OR10G7: variants seen among roughly 807,000 people sequenced by gnomAD.
OR10G7 encodes the protein olfactory receptor 10G7.
For missense variants in OR10G7, 338 were observed against 382.1 expected, an observed-to-expected ratio of 0.88 and a Z score of 0.96; for synonymous variants, 165 against 167.4, an observed-to-expected ratio of 0.99 and a Z score of 0.11.
chr11:124,039,977 G>A (rs1014514067), intron 1 of OR10G7, among the ~76,000 whole-genome samples: 2 of 151,996 alleles, frequency 1.3e-5, no homozygotes, highest in Non-Finnish European at 2.9e-5. Context: ...CACAAACACT[G>A]GGGACCCCTG....
Position 124,038,166 on chromosome 11 carries a change from G to A in OR10G7, c.836C>T (p.Thr279Ile). Residue 279 changes from threonine (T) to isoleucine (I), a missense_variant, in exon 2 of 2, where the codon ACT (threonine) becomes ATT (isoleucine). Transcript: ENST00000641585. ...GVVAVFYTTL[T>I]PLFNPVVYTL... Reference sequence around the variant, plus strand: ...GTACACAACAGGGTTGAAAAGAGGAGTCAGCGTGGTGTAGAAAACGGCCAC... The same window carrying A: ...GTACACAACAGGGTTGAAAAGAGGAATCAGCGTGGTGTAGAAAACGGCCAC... The A allele has an allele frequency of 1.9e-6, 3 of 1,614,118 alleles. No homozygotes were observed. Among genetic ancestry groups the A allele is most frequent in the South Asian group, 1.1e-5 (1 of 91,090 alleles).
At position 124,038,792 on chromosome 11, in the gene OR10G7, C is replaced by A; in HGVS notation, c.210G>T (p.Trp70Cys). 2 of 1,613,956 alleles carry A rather than the reference C, an allele frequency of 1.2e-6. No homozygotes were observed. The highest frequency in any genetic ancestry group is 1.7e-6 in the Non-Finnish European group (2 of 1,180,006). ...FLTNLSFIDM[W>C]FSTVTVPKML... is the part of the protein sequence containing the mutation. ...TTTTGGGCACCGTGACAGTGGAGAACCACATGTCAATGAAGGACAGGTTGG... is the reference window on the plus strand; with the variant it reads ...TTTTGGGCACCGTGACAGTGGAGAAACACATGTCAATGAAGGACAGGTTGG... Residue 70 changes from tryptophan (W) to cysteine (C), a missense_variant, in exon 2 of 2, where the codon TGG (tryptophan) becomes TGT (cysteine). Coordinates refer to ENST00000641585, the MANE Select transcript of OR10G7 (RefSeq NM_001004463.2).
In OR10G7 at chr11:124,036,709, T is replaced by A. The variant is rs1864195178; in HGVS notation, c.*1357A>T. The A allele has an allele frequency of 6.6e-6, 1 of 152,250 alleles. No homozygotes were observed. The highest frequency in any genetic ancestry group is 1.5e-5 in the Non-Finnish European group (1 of 68,042). 9.4% of individuals were successfully genotyped at this position (152,250 alleles called of 1,614,324 possible). On this transcript the variant is annotated 3_prime_UTR_variant, in exon 2 of 2. Coordinates refer to ENST00000641585, the MANE Select transcript of OR10G7 (RefSeq NM_001004463.2). ...TATAATTGGTCCATAGCAATCTGGT[T>A]TCTTGGTGTGAAAACCAAAAATTTA...
chr11:124,040,281 T>C (rs1045145179), intron 1 of OR10G7, among the ~76,000 whole-genome samples: 2 of 152,034 alleles, frequency 1.3e-5, no homozygotes, highest in African/African-American at 4.8e-5. Flanking sequence ...AAAATAATAA[T>C]ATAGTTATTA....
At position 124,036,482 on chromosome 11, in the gene OR10G7, C is replaced by T. The variant is rs1189371803; in HGVS notation, c.*1584G>A. On this transcript the variant is annotated 3_prime_UTR_variant, in exon 2 of 2. Transcript: ENST00000641585. ...ACAATGACTTTGGTGAATGCAGAGA[C>T]CTTGTCTATTGTTTTTGCGTATCTA... 6.6e-6 allele frequency: 1 copy of T among 152,158 alleles called. No individual in the cohort carries two copies. The allele number at this position is 152,158 out of a possible 1,614,324, so 9.4% of individuals were successfully genotyped here. A position where few individuals can be genotyped will look rare whatever the true frequency, so the allele number is the denominator to read the frequency against.
chr11:124,038,559 C>T lies in OR10G7; in HGVS notation c.443G>A (p.Trp148Ter). ...RSCALLATGT[W>*]LSGSLHSAVQ... ...AGCAGAGTGCAGAGAGCCACTGAGC[C>T]AAGTGCCGGTGGCCAGGAGGGCACA... Residue 148 changes from tryptophan to a stop codon, truncating the protein, a stop_gained, in exon 2 of 2, where the codon TGG becomes TAG. Transcript: ENST00000641585. LOFTEE classifies it low-confidence loss of function (END_TRUNC). The T allele has an allele frequency of 6.2e-7, 1 of 1,613,818 alleles. No homozygotes were observed. The highest frequency in any genetic ancestry group is 8.5e-7 in the Non-Finnish European group (1 of 1,179,880).
rs147011748 is a variant in OR10G7, at chr11:124,038,420, G to C, written c.582C>G (p.Asn194Lys). ...CAATATTCACAAAGATGACCATCTC[G>C]TTGGCTGAGGTGTCTGCACAGGCCA... is the stretch of plus-strand genomic sequence containing the variant. ...LKLACADTSA[N>K]EMVIFVNIGL... Residue 194 changes from asparagine to lysine, a missense_variant, in exon 2 of 2, where the codon AAC (asparagine) becomes AAG (lysine). Physicochemically the swap from Asn to Lys is moderately conservative, Grantham distance 94. Transcript: ENST00000641585. 1 of 1,613,952 alleles carries C rather than the reference G, an allele frequency of 6.2e-7. No homozygotes were observed. Among genetic ancestry groups the C allele is most frequent in the Non-Finnish European group, 8.5e-7 (1 of 1,179,906 alleles).
rs1021740575 is a variant in OR10G7 at position 124,036,832 on chromosome 11, A to G, written c.*1234T>C. 2 of 152,216 alleles carry G rather than the reference A, an allele frequency of 1.3e-5. No individual in the cohort carries two copies. The highest frequency in any genetic ancestry group is 2.4e-5 in the African/African-American group (1 of 41,460). The allele number at this position is 152,216 out of a possible 1,614,324, so 9.4% of individuals were successfully genotyped here. A position where few individuals can be genotyped will look rare whatever the true frequency, so the allele number is the denominator to read the frequency against. On this transcript the variant is annotated 3_prime_UTR_variant, in exon 2 of 2. Coordinates refer to ENST00000641585, the MANE Select transcript of OR10G7 (RefSeq NM_001004463.2). ...ACCAAGTTAGTATGTTTTTCTTCTC[A>G]ATATCACCGCACAGTTTACTTGGAG...
In OR10G7 at chr11:124,037,577, C is replaced by A. The variant is rs1025778488; in HGVS notation, c.*489G>T. On this transcript the variant is annotated 3_prime_UTR_variant, in exon 2 of 2. Transcript: ENST00000641585. ...TATTGGCCCATGAATGTGAATAAAG[C>A]CATTCTTCTTGAGAACCAAGCCTTT... 2.0e-5 allele frequency: 3 copies of A among 151,896 alleles called. No individual in the cohort carries two copies. Among genetic ancestry groups the A allele is most frequent in the African/African-American group, 7.3e-5 (3 of 41,282 alleles). 9.4% of individuals were successfully genotyped at this position (151,896 alleles called of 1,614,324 possible). A position where few individuals can be genotyped will look rare whatever the true frequency, so the allele number is the denominator to read the frequency against.
rs942778947 is a variant in OR10G7, at chr11:124,037,386, A to G, written c.*680T>C. On this transcript the variant is annotated 3_prime_UTR_variant, in exon 2 of 2. Coordinates refer to ENST00000641585, the MANE Select transcript of OR10G7 (RefSeq NM_001004463.2). Reference sequence around the variant, plus strand: ...TGAAAATGGAAACTTGCCATTGAGGATAAGAGATTGGCAGCTCCACAAATA... The same window carrying G: ...TGAAAATGGAAACTTGCCATTGAGGGTAAGAGATTGGCAGCTCCACAAATA... The G allele has an allele frequency of 2.0e-5, 3 of 151,414 alleles. No homozygotes were observed. The highest frequency in any genetic ancestry group is 1.3e-4 in the Admixed American group (2 of 15,256). The allele number at this position is 151,414 out of a possible 1,614,324, so 9.4% of individuals were successfully genotyped here.
chr11:124,040,374 A>G (rs1479027697), intron 1 of OR10G7, among the ~76,000 whole-genome samples: 1 of 151,976 alleles, frequency 6.6e-6, no homozygotes, highest in African/African-American at 2.4e-5. Context: ...CAAAGCTCAG[A>G]CTCAAAGTTT....
rs756156993 is a variant in OR10G7 at position 124,038,371 on chromosome 11, C to T, written c.631G>A (p.Val211Ile). 7.4e-6 allele frequency: 12 copies of T among 1,613,970 alleles called. No individual in the cohort carries two copies. Among genetic ancestry groups the T allele is most frequent in the Admixed American group, 1.7e-5 (1 of 59,998 alleles). Residue 211 changes from valine (V) to isoleucine (I), a missense_variant, in exon 2 of 2, where the codon GTC (valine) becomes ATC (isoleucine). Val to Ile is a conservative substitution (Grantham distance 29). Transcript: ENST00000641585. ...NIGLVASGCF[V>I]LIVLSYVSIV... ...GACACATAGGACAGCACTATCAGGA[C>T]AAAGCAGCCCGAGGCCACTAGCCCA... is the stretch of plus-strand genomic sequence containing the variant.
rs1864191198 is a variant in OR10G7, at chr11:124,036,285, G to A, written c.*1781C>T. 1 of 152,066 alleles carries A rather than the reference G, an allele frequency of 6.6e-6. No individual in the cohort carries two copies. The highest frequency in any genetic ancestry group is 2.4e-5 in the African/African-American group (1 of 41,422). 9.4% of individuals were successfully genotyped at this position (152,066 alleles called of 1,614,324 possible). The stretch of plus-strand genomic sequence containing the variant: ...AAAGACTGACATTCTTCTTATATAT[G>A]TTTATCAATAATTTACTTTCAAAAT... On this transcript the variant is annotated 3_prime_UTR_variant, in exon 2 of 2. Coordinates refer to ENST00000641585, the MANE Select transcript of OR10G7 (RefSeq NM_001004463.2).
rs1864222596 is a variant in OR10G7 at position 124,039,014 on chromosome 11, A to G, written c.-13T>C. 5.0e-6 allele frequency: 8 copies of G among 1,609,964 alleles called. 1 individual carries two copies. Among genetic ancestry groups the G allele is most frequent in the South Asian group, 2.2e-5 (2 of 90,756 alleles). On this transcript the variant is annotated 5_prime_UTR_variant, in exon 2 of 2. Transcript: ENST00000641585. The stretch of plus-strand genomic sequence containing the variant: ...TGGCGTTGGACATTTCTTCTCATAT[A>G]TGGGGCTCTGTTCTTACAGAAAGGA...
In OR10G7 at chr11:124,038,234, G is replaced by T; in HGVS notation, c.768C>A (p.Phe256Leu). The T allele has an allele frequency of 1.2e-6, 2 of 1,614,066 alleles. No homozygotes were observed. Among genetic ancestry groups the T allele is most frequent in the South Asian group, 2.2e-5 (2 of 91,074 alleles). ...CCCTGGAGCCTGGCCTCAGGTAAAT[G>T]AAAAGACCAGGGCCAAAGAAGCAAA... ...VVLCFFGPGL[F>L]IYLRPGSRDA... The change falls in exon 2 of 2, where the codon TTC (phenylalanine) becomes TTA (leucine). Residue 256 changes from phenylalanine (F) to leucine (L), a missense_variant. By Grantham distance (22) the Phe-to-Leu change is conservative. Coordinates refer to ENST00000641585, the MANE Select transcript of OR10G7 (RefSeq NM_001004463.2).
In OR10G7 at chr11:124,036,865, T is replaced by C. The variant is rs1029982556; in HGVS notation, c.*1201A>G. 1.3e-5 allele frequency: 2 copies of C among 152,210 alleles called. No individual in the cohort carries two copies. Among genetic ancestry groups the C allele is most frequent in the African/African-American group, 2.4e-5 (1 of 41,462 alleles). 9.4% of individuals were successfully genotyped at this position (152,210 alleles called of 1,614,324 possible). A position where few individuals can be genotyped will look rare whatever the true frequency, so the allele number is the denominator to read the frequency against. On this transcript the variant is annotated 3_prime_UTR_variant, in exon 2 of 2. Coordinates refer to ENST00000641585, the MANE Select transcript of OR10G7 (RefSeq NM_001004463.2). ...CGCACAGTTTACTTGGAGCAAGATA[T>C]GGAAAGTTGGCACAAAGGAGCATTC...
intron 1 of OR10G7, among the ~76,000 whole-genome samples, chr11:124,040,681 T>C (rs1187723284): frequency 1.3e-5 from 2 of 152,168 alleles, no homozygotes; most frequent in Non-Finnish European, 2.9e-5. Flanking sequence ...CATTGATTTA[T>C]GATTTCACAA....
rs1267248087 is a variant in OR10G7 at position 124,037,588 on chromosome 11, G to C, written c.*478C>G. 6.6e-6 allele frequency: 1 copy of C among 152,030 alleles called. No homozygotes were observed. 9.4% of individuals were successfully genotyped at this position (152,030 alleles called of 1,614,324 possible). ...GAATGTGAATAAAGCCATTCTTCTTGAGAACCAAGCCTTTTTGTCTAGTAT... is the reference window on the plus strand; with the variant it reads ...GAATGTGAATAAAGCCATTCTTCTTCAGAACCAAGCCTTTTTGTCTAGTAT... On this transcript the variant is annotated 3_prime_UTR_variant, in exon 2 of 2. Transcript: ENST00000641585.
At position 124,038,722 on chromosome 11, in the gene OR10G7, G is replaced by C. The variant is rs1239296530; in HGVS notation, c.280C>G (p.His94Asp). 1 of 1,613,934 alleles carries C rather than the reference G, an allele frequency of 6.2e-7. No homozygotes were observed. The highest frequency in any genetic ancestry group is 1.3e-5 in the African/African-American group (1 of 74,784). The change falls in exon 2 of 2, where the codon CAC (histidine) becomes GAC (aspartate). Residue 94 changes from histidine to aspartate, a missense_variant. Transcript: ENST00000641585. ...VSPSGRTISF[H>D]SCVAQLYFFH... ...AAATAGAGCTGAGCCACGCAGCTGT[G>C]GAAGGAGATAGTCCTGCCGCTTGGG...
Sources: gnomAD v4.1 joint callset for allele counts (sites outside exome capture counted in the v4.1 genomes callset) on GRCh38, gnomAD v4.1.1 for gene constraint, MANE v1.5 for transcripts, NCBI Gene and HGNC (gene_info 2026-07-23, HGNC 2026-07-21) for gene names.